TPCN2: variants seen among roughly 807,000 people sequenced by gnomAD.
TPCN2 encodes the protein two pore channel protein 2.
A neutral mutation model predicts 111.4 loss-of-function variants in TPCN2; 92 were observed. The observed-to-expected ratio is 0.83, with a 90% CI of 0.70 to 0.98. The LOEUF is 0.98. Ranked by LOEUF, TPCN2 falls within the 50% of genes least tolerant of loss-of-function variation. The pLI is 0.00. For synonymous variants in TPCN2, 405 were observed against 414.5 expected (o/e 0.98, Z 0.28); for missense variants, 995 against 980.1 (o/e 1.02, Z -0.20).
In TPCN2 at chr11:69,090,097, G is replaced by A. The variant is rs1856391601; in HGVS notation, c.*2144G>A. The A allele has an allele frequency of 1.3e-5, 2 of 152,328 alleles. No homozygotes were observed. Among genetic ancestry groups the A allele is most frequent in the South Asian group, 2.1e-4 (1 of 4,834 alleles). 9.4% of individuals were successfully genotyped at this position (152,328 alleles called of 1,614,324 possible). A position where few individuals can be genotyped will look rare whatever the true frequency, so the allele number is the denominator to read the frequency against. ...TAGCATCAGGAACCAGGATGTGGGT[G>A]CGAGGCGTGCTCCTGGCTGTTGCAG... On this transcript the variant is annotated 3_prime_UTR_variant, in exon 25 of 25. Transcript: ENST00000294309.
intron 19 of TPCN2, among the ~76,000 whole-genome samples, chr11:69,084,478 C>T (rs1000092536): frequency 2.6e-5 from 4 of 152,208 alleles, no homozygotes; most frequent in East Asian, 1.9e-4. Flanking sequence ...AACTGTGGGA[C>T]GCCCCGGCCC....
chr11:69,083,898 C>A, intron 18 of TPCN2, 47 bp from the exon 19 acceptor site: 1 of 1,582,682 alleles, frequency 6.3e-7, no homozygotes, highest in Non-Finnish European at 8.7e-7. Context: ...GGTGTCCCCT[C>A]AGTGGGGCCA....
At chr11:69,086,431 A>G in intron 22 of TPCN2, 92 bp from the exon 23 acceptor site, 2 of 1,062,370 alleles carry the variant, frequency 1.9e-6, no homozygotes, top group Non-Finnish European at 3.0e-6. Flanking sequence ...CGGCTGCCCG[A>G]GAGCTGTCCT....
rs111571424 is a variant in TPCN2 at position 69,088,587 on chromosome 11, A to G, written c.*634A>G. ...TTGAGTAAGGTTGCTTGGGTTGTGCATTGCACAAGGGCACATGGCTGTGAG... is the reference window on the plus strand; with the variant it reads ...TTGAGTAAGGTTGCTTGGGTTGTGCGTTGCACAAGGGCACATGGCTGTGAG... On this transcript the variant is annotated 3_prime_UTR_variant, in exon 25 of 25. Transcript: ENST00000294309. 0.014 allele frequency: 2,077 copies of G among 152,874 alleles called. 17 individuals carry two copies. Among genetic ancestry groups the G allele is most frequent in the Non-Finnish European group, 0.022 (1,501 of 68,482 alleles). 9.5% of individuals were successfully genotyped at this position (152,874 alleles called of 1,614,324 possible). A position where few individuals can be genotyped will look rare whatever the true frequency, so the allele number is the denominator to read the frequency against.
Position 69,089,878 on chromosome 11 carries a change from T to C in TPCN2, c.*1925T>C, listed in dbSNP as rs1856387951. On this transcript the variant is annotated 3_prime_UTR_variant, in exon 25 of 25. Transcript: ENST00000294309. ...ATTTACTCTCAGGCTCAGGTCCTGCTTGTTTGGCCCGTGGGAGCCCCTTCT... is the reference window on the plus strand; with the variant it reads ...ATTTACTCTCAGGCTCAGGTCCTGCCTGTTTGGCCCGTGGGAGCCCCTTCT... 6.6e-6 allele frequency: 1 copy of C among 152,020 alleles called. No homozygotes were observed. The highest frequency in any genetic ancestry group is 6.6e-5 in the Admixed American group (1 of 15,244). The allele number at this position is 152,020 out of a possible 1,614,324, so 9.4% of individuals were successfully genotyped here.
At chr11:69,052,617 C>T (rs553295570) in intron 1 of TPCN2, among the ~76,000 whole-genome samples, 36 of 152,260 alleles carry the variant, frequency 2.4e-4, no homozygotes, top group African/African-American at 8.4e-4. Context: ...GGGGTCCGGT[C>T]TCCTGCCTCT....
intron 3 of TPCN2, 53 bp from the exon 4 acceptor site, chr11:69,055,122 G>T: frequency 6.3e-7 from 1 of 1,582,342 alleles, no homozygotes; most frequent in South Asian, 1.2e-5. Flanking sequence ...ACCAGCCTCT[G>T]GGCCCTGAGG....
At chr11:69,062,777 G>A in intron 5 of TPCN2, 107 bp from the exon 6 acceptor site, 1 of 1,009,160 alleles carries the variant, frequency 9.9e-7, no homozygotes, top group Non-Finnish European at 1.5e-6. Flanking sequence ...ACTCTGGAGT[G>A]GCCCCCAGGG....
intron 17 of TPCN2, among the ~76,000 whole-genome samples, chr11:69,080,638 G>C (rs1043859577): frequency 3.3e-5 from 5 of 152,206 alleles, no homozygotes; most frequent in Admixed American, 1.3e-4. Flanking sequence ...ACTGCCTAGG[G>C]AGCAGCTGGG....
chr11:69,077,121 C>A lies in TPCN2; in HGVS notation c.1231-1361C>A, dbSNP rs866763274. Among the ~76,000 whole-genome samples the A allele has an allele frequency of 2.3e-5, 3 of 129,554 alleles. No individual in the cohort carries two copies. The Admixed American group carries it at 2.5e-4, about 11-fold the overall frequency. 85.0% of individuals were successfully genotyped at this position (129,554 alleles called of 152,430 possible). A position where few individuals can be genotyped will look rare whatever the true frequency, so the allele number is the denominator to read the frequency against. On this transcript the variant is annotated intron_variant, in intron 13 of 24. Coordinates refer to ENST00000294309, the MANE Select transcript of TPCN2 (RefSeq NM_139075.4). ...TCCCTCCACTTGCCCTCCTGCCCTCCTGCCATGTCCCTCCACCTGCCCTCC... is the reference window on the plus strand; with the variant it reads ...TCCCTCCACTTGCCCTCCTGCCCTCATGCCATGTCCCTCCACCTGCCCTCC...
At chr11:69,084,076 G>A in intron 19 of TPCN2, 60 bp downstream of exon 19, 1 of 1,563,662 alleles carries the variant, frequency 6.4e-7, no homozygotes, top group Non-Finnish European at 8.8e-7. Context: ...CTGGGAGGCT[G>A]GCGGAAGGCA....
In TPCN2 at chr11:69,049,042, C is replaced by A; in HGVS notation, c.45C>A (p.Ala15=). The A allele has an allele frequency of 8.1e-7, 1 of 1,242,216 alleles. No individual in the cohort carries two copies. The highest frequency in any genetic ancestry group is 1.0e-6 in the Non-Finnish European group (1 of 988,680). The allele number at this position is 1,242,216 out of a possible 1,614,324, so 76.9% of individuals were successfully genotyped here. A position where few individuals can be genotyped will look rare whatever the true frequency, so the allele number is the denominator to read the frequency against. The change falls in exon 1 of 25, where the codon GCC becomes GCA. Residue 15 remains alanine (A), a synonymous_variant. Transcript: ENST00000294309. Reference sequence around the variant, plus strand: ...AGTCGGAGCCCCTGCTGGGCGGGGCCCGCGGCGGTGGCGGCGACTGGCCGG... The same window carrying A: ...AGTCGGAGCCCCTGCTGGGCGGGGCACGCGGCGGTGGCGGCGACTGGCCGG... ...QAESEPLLGG[A]RGGGGDWPAG...
intron 11 of TPCN2, 131 bp downstream of exon 11, chr11:69,072,154 T>C: frequency 2.8e-6 from 2 of 723,724 alleles, no homozygotes; most frequent in Admixed American, 2.8e-5. Context: ...ACCCGACTCA[T>C]GGAAACCACC....
chr11:69,088,269 T>G lies in TPCN2; in HGVS notation c.*316T>G. ...AGAAGCAGCGGCCTCCCCTGTCCCC[T>G]GCAGCTTCCGTGGTGCCTTTGCTGC... On this transcript the variant is annotated 3_prime_UTR_variant, in exon 25 of 25. Coordinates refer to ENST00000294309, the MANE Select transcript of TPCN2 (RefSeq NM_139075.4). The G allele has an allele frequency of 3.2e-6, 1 of 311,814 alleles. No individual in the cohort carries two copies. The highest frequency in any genetic ancestry group is 6.0e-6 in the Non-Finnish European group (1 of 165,452). 19.3% of individuals were successfully genotyped at this position (311,814 alleles called of 1,614,324 possible).
At chr11:69,081,223 G>T (rs887685941) in intron 17 of TPCN2, among the ~76,000 whole-genome samples, 177 bp from the exon 18 acceptor site, 1 of 152,096 alleles carries the variant, frequency 6.6e-6, no homozygotes, top group Non-Finnish European at 1.5e-5. Flanking sequence ...AGTAGCCCAG[G>T]CCCCGCCCTC....
chr11:69,057,164 G>C (rs73514482), intron 4 of TPCN2, among the ~76,000 whole-genome samples: 1 of 152,174 alleles, frequency 6.6e-6, no homozygotes, highest in African/African-American at 2.4e-5. Flanking sequence ...GGAAATGGCA[G>C]TTAGGTAAGG....
intron 7 of TPCN2, among the ~76,000 whole-genome samples, chr11:69,065,426 G>A (rs1011961125): frequency 7.9e-5 from 12 of 152,220 alleles, no homozygotes; most frequent in Admixed American, 7.8e-4. Context: ...CCTCCTCCAG[G>A]CGTGGGTTTC....
At chr11:69,069,941 G>A (rs1855445828) in intron 8 of TPCN2, among the ~76,000 whole-genome samples, 1 of 152,158 alleles carries the variant, frequency 6.6e-6, no homozygotes, top group African/African-American at 2.4e-5. Flanking sequence ...AGAGGCAAGA[G>A]ATCGAATTTG....
At chr11:69,086,833 G>T (rs7928204) in intron 23 of TPCN2, among the ~76,000 whole-genome samples, 979 of 119,208 alleles carry the variant, frequency 8.2e-3, no homozygotes, top group South Asian at 0.015. Flanking sequence ...TGGGGCCTTG[G>T]GGGGTGCTCC....
Sources: gnomAD v4.1 joint callset for allele counts (sites outside exome capture counted in the v4.1 genomes callset) on GRCh38, gnomAD v4.1.1 for gene constraint, MANE v1.5 for transcripts, NCBI Gene and HGNC (gene_info 2026-07-23, HGNC 2026-07-21) for gene names.